The following TMCO4 variants were observed in gnomAD, a reference collection of about 807,000 sequenced individuals.
TMCO4 encodes the protein transmembrane and coiled-coil domains 4.
In TMCO4, 58 loss-of-function variants were observed where a neutral mutation model predicts 64.7. The observed-to-expected ratio is 0.90, with a 90% CI of 0.73 to 1.12. TMCO4 has a LOEUF of 1.12. Ranked by LOEUF, TMCO4 falls within the 50% of genes most tolerant of loss-of-function variation. The pLI is 0.00. For missense variants in TMCO4, 780 were observed against 825.9 expected (o/e 0.94, Z 0.68); for synonymous variants, 325 against 346.1 (o/e 0.94, Z 0.68).
At chr1:19,769,551 G>C (rs1464100753) in intron 6 of TMCO4, among the ~76,000 whole-genome samples, 1 of 152,222 alleles carries the variant, frequency 6.6e-6, no homozygotes, top group Non-Finnish European at 1.5e-5. Context: ...CCCTATTACA[G>C]GGTTTGGAGG....
At chr1:19,720,685 C>T (rs146722164) in intron 13 of TMCO4, among the ~76,000 whole-genome samples, 1 of 151,758 alleles carries the variant, frequency 6.6e-6, no homozygotes, top group Admixed American at 6.6e-5. Flanking sequence ...AACAAAAGAT[C>T]GAAAAAATAA....
At chr1:19,794,107 C>T (rs2044189100) in intron 2 of TMCO4, among the ~76,000 whole-genome samples, 1 of 152,128 alleles carries the variant, frequency 6.6e-6, no homozygotes, top group Admixed American at 6.5e-5. Context: ...AGCTCCTGGA[C>T]CCCACCAGGC....
chr1:19,700,631 G>T, intron 14 of TMCO4, 137 bp downstream of exon 14: 1 of 814,686 alleles, frequency 1.2e-6, no homozygotes, highest in Non-Finnish European at 2.0e-6. Flanking sequence ...TCCTAACAGG[G>T]CCGGTGCCCG....
intron 11 of TMCO4, 80 bp downstream of exon 11, chr1:19,740,697 G>C: frequency 6.7e-7 from 1 of 1,486,790 alleles, no homozygotes; most frequent in South Asian, 1.3e-5. Flanking sequence ...GGGGCTTTGG[G>C]CATGCAAAAC....
intron 15 of TMCO4, among the ~76,000 whole-genome samples, chr1:19,691,174 A>G (rs2095191975): frequency 6.6e-6 from 1 of 152,124 alleles, no homozygotes; most frequent in East Asian, 1.9e-4. Context: ...GGCCCCTGTG[A>G]AGACTCTTTA....
chr1:19,770,621 G>A (rs779044300), intron 5 of TMCO4, 52 bp from the exon 6 acceptor site: 54 of 1,563,798 alleles, frequency 3.5e-5, no homozygotes, highest in African/African-American at 9.5e-5. Context: ...ACGATACAGC[G>A]CGCTCATTTG....
chr1:19,692,454 G>T (rs1342895341), intron 15 of TMCO4, among the ~76,000 whole-genome samples: 1 of 152,052 alleles, frequency 6.6e-6, no homozygotes, highest in Non-Finnish European at 1.5e-5. Context: ...GGCAGGCCGG[G>T]TGTGGTGGCT....
chr1:19,707,752 T>C (rs967094471), intron 13 of TMCO4, among the ~76,000 whole-genome samples: 2 of 152,180 alleles, frequency 1.3e-5, no homozygotes, highest in Admixed American at 6.5e-5. Context: ...GACTGGGTAA[T>C]TTATGAAGAA....
chr1:19,790,889 CA>C (rs2043997274), intron 2 of TMCO4, among the ~76,000 whole-genome samples: 1 of 152,122 alleles, frequency 6.6e-6, no homozygotes, highest in Non-Finnish European at 1.5e-5. Context: ...TTCACAATAG[CA>C]AAGACATGGA....
chr1:19,771,173 C>G, intron 5 of TMCO4, 135 bp downstream of exon 5: 6 of 944,708 alleles, frequency 6.4e-6, no homozygotes, highest in Non-Finnish European at 9.7e-6. Context: ...CAGCTATGAT[C>G]ATGATATGAT....
chr1:19,750,817 T>G (rs2041994724), intron 7 of TMCO4, among the ~76,000 whole-genome samples: 1 of 152,218 alleles, frequency 6.6e-6, no homozygotes, highest in South Asian at 2.1e-4. Flanking sequence ...TCAGCCGAGA[T>G]GGGACATATC....
At chr1:19,722,027 C>T (rs1433529820) in intron 13 of TMCO4, among the ~76,000 whole-genome samples, 1 of 152,150 alleles carries the variant, frequency 6.6e-6, no homozygotes, top group Non-Finnish European at 1.5e-5. Flanking sequence ...CAACTGACTC[C>T]ATGATTAAAT....
intron 7 of TMCO4, among the ~76,000 whole-genome samples, chr1:19,754,994 G>A (rs879336377): frequency 6.6e-6 from 1 of 152,152 alleles, no homozygotes; most frequent in East Asian, 1.9e-4. Context: ...TATCAGAAAC[G>A]GGAATTGAAT....
At chr1:19,684,065 T>G (rs1177366039) in intron 15 of TMCO4, among the ~76,000 whole-genome samples, 2 of 67,126 alleles carry the variant, frequency 3.0e-5, no homozygotes, top group Non-Finnish European at 6.1e-5. Context: ...CCCGGCAGCT[T>G]TTTTTTTTTT....
At chr1:19,780,480 C>A in intron 4 of TMCO4, 100 bp downstream of exon 4, 1 of 1,391,474 alleles carries the variant, frequency 7.2e-7, no homozygotes. Context: ...TGACTTGCCC[C>A]TCTCTGCATT....
At chr1:19,733,830 T>C (rs531604068) in intron 13 of TMCO4, among the ~76,000 whole-genome samples, 4 of 151,950 alleles carry the variant, frequency 2.6e-5, no homozygotes, top group African/African-American at 9.7e-5. Context: ...GATCGCACAA[T>C]CTCCAGCCAG....
At chr1:19,748,381 GTT>G (rs1486073315) in intron 7 of TMCO4, among the ~76,000 whole-genome samples, 1 of 152,204 alleles carries the variant, frequency 6.6e-6, no homozygotes, top group Non-Finnish European at 1.5e-5. Flanking sequence ...AGTCAATAAA[GTT>G]ATATTGAGAA....
At chr1:19,694,105 G>A (rs1322911497) in intron 15 of TMCO4, among the ~76,000 whole-genome samples, 2 of 152,146 alleles carry the variant, frequency 1.3e-5, no homozygotes, top group Non-Finnish European at 2.9e-5. Context: ...GGGCTCAAGT[G>A]ATCCTCCCAC....
intron 6 of TMCO4, among the ~76,000 whole-genome samples, chr1:19,763,483 G>A (rs1488932384): frequency 6.6e-6 from 1 of 152,212 alleles, no homozygotes; most frequent in Admixed American, 6.5e-5. Flanking sequence ...CAGGGTGGCT[G>A]ATATTACTTC....
Sources: allele counts gnomAD v4.1 joint callset (sites outside exome capture counted in the v4.1 genomes callset), GRCh38; gene constraint gnomAD v4.1.1; transcripts MANE v1.5; gene names NCBI Gene and HGNC (gene_info 2026-07-23, HGNC 2026-07-21).